The following GJB7 variants were observed in gnomAD, a reference collection of about 807,000 sequenced individuals.
GJB7 encodes the protein gap junction protein beta 7, also known as gap junction beta-7 protein.
For missense variants in GJB7, 253 were observed against 256.8 expected (o/e 0.99, Z 0.10); for synonymous variants, 87 against 95.2 (o/e 0.91, Z 0.50).
chr6:87,323,363 C>T lies in GJB7; in HGVS notation c.-205-320G>A, dbSNP rs186616940. Reference sequence around the variant, plus strand: ...TATGTATACATGTGCCATGCTGGTGCGATGCACCCACCAACTGGACATCTA... The same window carrying T: ...TATGTATACATGTGCCATGCTGGTGTGATGCACCCACCAACTGGACATCTA... On this transcript the variant is annotated intron_variant, in intron 1 of 2. Coordinates refer to ENST00000525899, the MANE Select transcript of GJB7 (RefSeq NM_198568.3). Among the ~76,000 whole-genome samples the T allele has an allele frequency of 6.6e-5, 10 of 152,148 alleles. No homozygotes were observed. The East Asian group carries it at 1.5e-3, about 23-fold the overall frequency.
intron 2 of GJB7, among the ~76,000 whole-genome samples, chr6:87,288,191 G>A (rs1319383359): frequency 3.9e-5 from 6 of 152,076 alleles, no homozygotes; most frequent in South Asian, 2.1e-4. Flanking sequence ...ATGAGCCACC[G>A]TGCCTGGCCC....
At chr6:87,302,780 A>T (rs1204311213) in intron 2 of GJB7, among the ~76,000 whole-genome samples, 1 of 152,210 alleles carries the variant, frequency 6.6e-6, no homozygotes, top group Non-Finnish European at 1.5e-5. Context: ...GCCAGAGAGA[A>T]AGGTTGGGTT....
rs373942790 is a variant in GJB7, at chr6:87,284,490, TAAAAC to T, written c.418_422del (p.Val140IlefsTer3). ...TAAAGCCATCATATAGCTTATAAAA[TAAAAC>T]AAGGAAGCCAATTTCAAAACCAGTT... On this transcript the variant is annotated frameshift_variant, in exon 3 of 3. Transcript: ENST00000525899. LOFTEE classifies it low-confidence loss of function (END_TRUNC). The T allele has an allele frequency of 1.0e-3, 1,664 of 1,613,998 alleles. 9 individuals carry two copies. The African/African-American group carries it at 0.013, about 12-fold the overall frequency.
At chr6:87,292,299 A>G (rs1332109288) in intron 2 of GJB7, among the ~76,000 whole-genome samples, 1 of 152,244 alleles carries the variant, frequency 6.6e-6, no homozygotes. Flanking sequence ...ATTTTCCAAC[A>G]TTTTATCAAA....
At chr6:87,288,400 G>A (rs1483315433) in intron 2 of GJB7, among the ~76,000 whole-genome samples, 1 of 152,094 alleles carries the variant, frequency 6.6e-6, no homozygotes, top group Non-Finnish European at 1.5e-5. Context: ...GCCAATTAAC[G>A]GACATCTGGA....
chr6:87,285,130 ATAAT>A lies in GJB7; in HGVS notation c.-27-195_-27-192del, dbSNP rs536582893. ...GAGATGATACAACTGGCCCATGGAC[ATAAT>A]TAATCCCATGTCCACTTTAATTTGA... On this transcript the variant is annotated intron_variant, in intron 2 of 2. Transcript: ENST00000525899. 2.0e-3 allele frequency among the ~76,000 whole-genome samples: 303 copies of A among 152,320 alleles called. 1 individual carries two copies. Among genetic ancestry groups the A allele is most frequent in the African/African-American group, 6.8e-3 (282 of 41,564 alleles).
chr6:87,301,928 T>A (rs1776335036), intron 2 of GJB7, among the ~76,000 whole-genome samples: 1 of 151,860 alleles, frequency 6.6e-6, no homozygotes, highest in Non-Finnish European at 1.5e-5. Context: ...GGGTCAGGAG[T>A]GGATCTCCAG....
chr6:87,298,009 A>G (rs973209466), intron 2 of GJB7, among the ~76,000 whole-genome samples: 1 of 152,134 alleles, frequency 6.6e-6, no homozygotes, highest in Non-Finnish European at 1.5e-5. Flanking sequence ...AAGAGGTTTG[A>G]TCAATCAAAA....
At chr6:87,289,797 C>T (rs141369297) in intron 2 of GJB7, among the ~76,000 whole-genome samples, 12 of 152,264 alleles carry the variant, frequency 7.9e-5, no homozygotes, top group East Asian at 3.9e-4. Context: ...TAACTTCCTG[C>T]GAGGTTCAGG....
rs1329380680 is a variant in GJB7 at position 87,311,260 on chromosome 6, A to G, written c.-28+11606T>C. 3.3e-5 allele frequency among the ~76,000 whole-genome samples: 5 copies of G among 152,314 alleles called. No homozygotes were observed. The East Asian group carries it at 9.6e-4, about 29-fold the overall frequency. ...ACTATTGAATCTATTAAAATTGAAC[A>G]TATGGTTACCAATGACTTAGCAATT... On this transcript the variant is annotated intron_variant, in intron 2 of 2. Transcript: ENST00000525899.
chr6:87,305,696 C>G (rs963573826), intron 2 of GJB7, among the ~76,000 whole-genome samples: 3 of 152,010 alleles, frequency 2.0e-5, no homozygotes, highest in African/African-American at 7.3e-5. Context: ...CATATGGAAC[C>G]AAAAAAGAGC....
intron 2 of GJB7, among the ~76,000 whole-genome samples, chr6:87,305,781 A>G (rs1475561823): frequency 2.0e-5 from 3 of 152,244 alleles, no homozygotes; most frequent in Admixed American, 6.5e-5. Context: ...AAACTATACT[A>G]CAAGGCTACG....
chr6:87,320,729 A>AT (rs1423275067), intron 2 of GJB7, among the ~76,000 whole-genome samples: 1 of 152,180 alleles, frequency 6.6e-6, no homozygotes, highest in Non-Finnish European at 1.5e-5. Flanking sequence ...GAATTCAAAG[A>AT]TTTTTCACAT....
chr6:87,289,185 C>T (rs1435908349), intron 2 of GJB7, among the ~76,000 whole-genome samples: 3 of 152,168 alleles, frequency 2.0e-5, no homozygotes, highest in Admixed American at 6.5e-5. Context: ...TCCTGCAATA[C>T]TCTGGTCCCC....
At chr6:87,294,610 C>T in intron 2 of GJB7, among the ~76,000 whole-genome samples, 1 of 152,194 alleles carries the variant, frequency 6.6e-6, no homozygotes, top group East Asian at 1.9e-4. Flanking sequence ...GGGTTCTGGT[C>T]TTTTTTGCAC....
chr6:87,289,682 T>G (rs1776133024), intron 2 of GJB7, among the ~76,000 whole-genome samples: 1 of 152,222 alleles, frequency 6.6e-6, no homozygotes, highest in Non-Finnish European at 1.5e-5. Flanking sequence ...CAGTTCTGAC[T>G]GTGGTGACAC....
At chr6:87,306,501 C>T (rs1340668400) in intron 2 of GJB7, among the ~76,000 whole-genome samples, 3 of 152,052 alleles carry the variant, frequency 2.0e-5, no homozygotes, top group Non-Finnish European at 1.5e-5. Flanking sequence ...GTTAGAATGG[C>T]CATCATTAAA....
intron 2 of GJB7, among the ~76,000 whole-genome samples, chr6:87,291,679 T>A (rs1776176192): frequency 6.6e-6 from 1 of 152,220 alleles, no homozygotes; most frequent in African/African-American, 2.4e-5. Context: ...TGGCAGCTTA[T>A]CCAGAAAGAG....
chr6:87,328,528 G>T (rs1776898976), intron 1 of GJB7, among the ~76,000 whole-genome samples: 3 of 151,830 alleles, frequency 2.0e-5, no homozygotes, highest in African/African-American at 7.3e-5. Flanking sequence ...GTATCAGTCT[G>T]CCCCTGCTGG....
Sources: allele counts gnomAD v4.1 joint callset (sites outside exome capture counted in the v4.1 genomes callset), GRCh38; gene constraint gnomAD v4.1.1; transcripts MANE v1.5; gene names NCBI Gene and HGNC (gene_info 2026-07-23, HGNC 2026-07-21).